Variants in PTPRN2 observed in about 807,000 individuals in gnomAD.
PTPRN2 encodes protein tyrosine phosphatase receptor type N2.
PTPRN2 carries 74 observed loss-of-function variants against 118.8 expected under a neutral mutation model. The ratio of observed to expected loss-of-function variants is 0.62; its 90% CI spans 0.52 to 0.76. The LOEUF (loss-of-function observed/expected upper bound fraction) is 0.76. PTPRN2 is among the 30% of genes least tolerant of loss of function. The probability of loss-of-function intolerance (pLI) is 0.00; values close to 1 mark genes in which losing one functional copy is unlikely to be tolerated. For missense variants in PTPRN2, 1,481 were observed against 1,394.4 expected, an observed-to-expected ratio of 1.06 and a Z score of -0.99; for synonymous variants, 641 against 608.0, an observed-to-expected ratio of 1.05 and a Z score of -0.80.
chr7:158,171,062 T>TACACACATTATATACACATATATAC (rs71516469), intron 5 of PTPRN2, among the ~76,000 whole-genome samples: 1 of 129,668 alleles, frequency 7.7e-6, no homozygotes, highest in East Asian at 2.2e-4. Context: ...TACACATATA[T>TACACACATTATATACACATATATAC]ACACATTATA....
At chr7:158,486,113 T>G (rs1820999518) in intron 2 of PTPRN2, among the ~76,000 whole-genome samples, 1 of 152,224 alleles carries the variant, frequency 6.6e-6, no homozygotes, top group African/African-American at 2.4e-5. Flanking sequence ...CAAGTTTTCT[T>G]TAGTATTTTG....
At chr7:157,759,153 C>T (rs912076264) in intron 12 of PTPRN2, among the ~76,000 whole-genome samples, 1 of 152,340 alleles carries the variant, frequency 6.6e-6, no homozygotes, top group Middle Eastern at 3.4e-3. Flanking sequence ...ATCTGCCGCT[C>T]CCCCCTTCCC....
intron 2 of PTPRN2, among the ~76,000 whole-genome samples, chr7:158,410,255 G>A (rs1331752756): frequency 1.3e-5 from 2 of 152,072 alleles, no homozygotes; most frequent in African/African-American, 4.8e-5. Flanking sequence ...AGCCTCTCCC[G>A]ACACCAAAAT....
rs571196914 is a variant in PTPRN2 at position 157,677,903 on chromosome 7, C to T, written c.2001+4822G>A. Among the ~76,000 whole-genome samples the T allele has an allele frequency of 3.3e-5, 5 of 152,236 alleles. No individual in the cohort carries two copies. The East Asian group carries it at 5.8e-4, about 18-fold the overall frequency. On this transcript the variant is annotated intron_variant, in intron 13 of 22. Coordinates refer to ENST00000389418, the MANE Select transcript of PTPRN2 (RefSeq NM_002847.5). ...CATGGAGTATGGGAGGAGGGAGGCACGGCCTTGCCCTCCCGGGGCCTGGAG... is the reference window on the plus strand; with the variant it reads ...CATGGAGTATGGGAGGAGGGAGGCATGGCCTTGCCCTCCCGGGGCCTGGAG...
chr7:157,966,230 C>T (rs1295539938), intron 11 of PTPRN2, among the ~76,000 whole-genome samples: 1 of 152,094 alleles, frequency 6.6e-6, no homozygotes, highest in East Asian at 1.9e-4. Context: ...GGTTTAACTG[C>T]CTTCCTGTGA....
chr7:157,606,850 A>G (rs1158411640), intron 15 of PTPRN2, among the ~76,000 whole-genome samples: 1 of 152,234 alleles, frequency 6.6e-6, no homozygotes, highest in East Asian at 1.9e-4. Context: ...TTGAACTAGG[A>G]AAGTACTGTG....
chr7:157,684,603 GC>G (rs889678065), intron 12 of PTPRN2, among the ~76,000 whole-genome samples: 2 of 12,686 alleles, frequency 1.6e-4, no homozygotes, highest in African/African-American at 5.9e-4. Context: ...CCTCCCCTCC[GC>G]CCCCCTCCCT....
chr7:158,424,229 TTTCGGTGCGGCCCGTTC>T, intron 2 of PTPRN2, among the ~76,000 whole-genome samples: 1 of 152,120 alleles, frequency 6.6e-6, no homozygotes, highest in Non-Finnish European at 1.5e-5. Context: ...CCCGTTCTGT[TTTCGGTGCGGCCCGTTC>T]TTCGGGCTTT....
chr7:157,586,212 A>G (rs1269352422), intron 17 of PTPRN2, among the ~76,000 whole-genome samples: 1 of 152,186 alleles, frequency 6.6e-6, no homozygotes, highest in Non-Finnish European at 1.5e-5. Context: ...GTTAATTCCT[A>G]AGAATTAACA....
chr7:158,236,066 G>C (rs567819647), intron 3 of PTPRN2, among the ~76,000 whole-genome samples: 1 of 152,236 alleles, frequency 6.6e-6, no homozygotes, highest in South Asian at 2.1e-4. Flanking sequence ...CCCCAAGGAC[G>C]ACAGTGCAGA....
chr7:158,005,631 T>G (rs1369195000), intron 11 of PTPRN2, among the ~76,000 whole-genome samples: 1 of 152,088 alleles, frequency 6.6e-6, no homozygotes, highest in Admixed American at 6.5e-5. Flanking sequence ...GAAGATGGGG[T>G]GCAGGGGGAG....
chr7:157,723,662 A>G (rs1339870756), intron 12 of PTPRN2, among the ~76,000 whole-genome samples: 2 of 152,176 alleles, frequency 1.3e-5, no homozygotes, highest in Non-Finnish European at 2.9e-5. Flanking sequence ...TGGAAGTTCT[A>G]TGCACTGCAG....
At chr7:157,646,978 ACT>A (rs1470847190) in intron 14 of PTPRN2, among the ~76,000 whole-genome samples, 1 of 141,476 alleles carries the variant, frequency 7.1e-6, no homozygotes, top group Non-Finnish European at 1.5e-5. Context: ...GGACCCATTC[ACT>A]GTGCACTGAA....
intron 12 of PTPRN2, among the ~76,000 whole-genome samples, chr7:157,836,933 A>ATCCACTCACCACCACCTG: frequency 6.8e-6 from 1 of 148,070 alleles, no homozygotes; most frequent in South Asian, 2.2e-4. Context: ...ACCACCACCT[A>ATCCACTCACCACCACCTG]TCCACTCACC....
At chr7:158,437,508 T>C (rs1020118854) in intron 2 of PTPRN2, among the ~76,000 whole-genome samples, 1 of 152,208 alleles carries the variant, frequency 6.6e-6, no homozygotes, top group African/African-American at 2.4e-5. Flanking sequence ...TCTATCTTCT[T>C]ACCTTCCTCC....
chr7:158,362,243 C>T (rs544308601), intron 2 of PTPRN2, among the ~76,000 whole-genome samples: 2 of 152,194 alleles, frequency 1.3e-5, no homozygotes, highest in Non-Finnish European at 2.9e-5. Flanking sequence ...CGCCCCTGCC[C>T]GCCCGGCCTC....
intron 12 of PTPRN2, among the ~76,000 whole-genome samples, chr7:157,766,230 TCCATCCAA>T (rs1314996598): frequency 1.4e-5 from 2 of 141,874 alleles, no homozygotes; most frequent in Non-Finnish European, 1.5e-5. Context: ...CACCCATCCA[TCCATCCAA>T]CCATCCATCC....
chr7:157,562,877 G>T (rs1256256792), intron 21 of PTPRN2, among the ~76,000 whole-genome samples: 6 of 102,734 alleles, frequency 5.8e-5, no homozygotes, highest in Non-Finnish European at 3.8e-5. Flanking sequence ...GTCACCACAC[G>T]CAGATCAGGA....
Position 157,838,069 on chromosome 7 carries a change from A to G in PTPRN2, c.1788+60604T>C, listed in dbSNP as rs377227956. On this transcript the variant is annotated intron_variant, in intron 12 of 22. Coordinates refer to ENST00000389418, the MANE Select transcript of PTPRN2 (RefSeq NM_002847.5). The stretch of plus-strand genomic sequence containing the variant: ...CGCCGTGCCTACTCCAGTTCCTCTC[A>G]TAGTGGATGGTACGGGAGAAAGCTC... 5.1e-3 allele frequency among the ~76,000 whole-genome samples: 607 copies of G among 119,386 alleles called. 1 individual carries two copies. Among genetic ancestry groups the G allele is most frequent in the African/African-American group, 0.017 (458 of 27,366 alleles). The allele number at this position is 119,386 out of a possible 152,430, so 78.3% of individuals were successfully genotyped here.
Sources: allele counts gnomAD v4.1 joint callset (sites outside exome capture counted in the v4.1 genomes callset), GRCh38; gene constraint gnomAD v4.1.1; transcripts MANE v1.5; gene names NCBI Gene and HGNC (gene_info 2026-07-23, HGNC 2026-07-21).